The following DMD variants were observed in gnomAD, a reference collection of about 807,000 sequenced individuals.
DMD encodes mutant dystrophin.
In DMD, 63 loss-of-function variants were observed where a neutral mutation model predicts 330.1. The observed-to-expected ratio is 0.19, with a 90% CI of 0.16 to 0.24. The LOEUF is 0.24. Ranked by LOEUF, DMD falls within the 10% of genes least tolerant of loss-of-function variation. The pLI, the probability that DMD is intolerant of heterozygous loss-of-function variation, is 1.00. For synonymous variants in DMD, 1,223 were observed against 959.8 expected (o/e 1.27, Z -5.07); for missense variants, 3,344 against 2,684.1 (o/e 1.25, Z -5.43).
At chrX:32,080,629 G>A (rs1290681338) in intron 44 of DMD, among the ~76,000 whole-genome samples, 1 of 111,743 alleles carries the variant, frequency 8.9e-6, no homozygotes, top group Non-Finnish European at 1.9e-5. Context: ...GTCATAAGAA[G>A]GAAGAATGAA....
At chrX:32,425,923 A>G (rs927316784) in intron 29 of DMD, among the ~76,000 whole-genome samples, 1 of 112,142 alleles carries the variant, frequency 8.9e-6, no homozygotes, top group African/African-American at 3.2e-5. Context: ...GTGCTGGGAT[A>G]ACTGGCTAAC....
intron 7 of DMD, among the ~76,000 whole-genome samples, chrX:32,791,458 T>C (rs2075816374): frequency 8.9e-6 from 1 of 111,955 alleles, no homozygotes; most frequent in African/African-American, 3.2e-5. Flanking sequence ...GACCACTTGG[T>C]GTCCCAGTCA....
intron 1 of DMD, among the ~76,000 whole-genome samples, chrX:33,058,875 T>C (rs916776205): frequency 4.4e-4 from 49 of 111,797 alleles, no homozygotes; most frequent in African/African-American, 1.6e-3. Context: ...TTGTCCTCTT[T>C]TATGAAGTGC....
chrX:32,156,128 AC>A (rs2096829336), intron 44 of DMD, among the ~76,000 whole-genome samples: 1 of 112,162 alleles, frequency 8.9e-6, no homozygotes, highest in African/African-American at 3.2e-5. Context: ...ACGCCTGTAA[AC>A]CCAGCACTTT....
intron 2 of DMD, among the ~76,000 whole-genome samples, chrX:33,009,301 TATACAC>T (rs1318719363): frequency 1.7e-5 from 1 of 57,470 alleles, no homozygotes; most frequent in African/African-American, 6.8e-5. Context: ...TATATGTGTA[TATACAC>T]ATGTGTGTAT....
At chrX:31,195,726 A>G (rs2042802791) in intron 67 of DMD, among the ~76,000 whole-genome samples, 1 of 101,852 alleles carries the variant, frequency 9.8e-6, no homozygotes, top group Non-Finnish European at 2.0e-5. Context: ...GGGAAGGAGA[A>G]GGGGACAGAG....
chrX:32,105,825 T>C (rs902283440), intron 44 of DMD, among the ~76,000 whole-genome samples: 2 of 112,052 alleles, frequency 1.8e-5, no homozygotes, highest in Non-Finnish European at 3.8e-5. Flanking sequence ...ACTCATTGAA[T>C]AGTATTTTTG....
At chrX:32,715,122 G>A (rs761348035) in intron 7 of DMD, among the ~76,000 whole-genome samples, 1 of 110,843 alleles carries the variant, frequency 9.0e-6, no homozygotes, top group Non-Finnish European at 1.9e-5. Flanking sequence ...CCCCCAACCT[G>A]GTAACCACTG....
intron 30 of DMD, among the ~76,000 whole-genome samples, chrX:32,406,399 T>C (rs1197188532): frequency 9.0e-6 from 1 of 110,570 alleles, no homozygotes; most frequent in Non-Finnish European, 1.9e-5. Context: ...TCATCATAGA[T>C]AGCTCTTATT....
intron 17 of DMD, among the ~76,000 whole-genome samples, chrX:32,521,851 T>G (rs988617293): frequency 8.9e-6 from 1 of 111,850 alleles, no homozygotes; most frequent in Non-Finnish European, 1.9e-5. Context: ...GTGATGATAT[T>G]AAAAGATGGG....
At chrX:32,593,945 A>T (rs745990098) in intron 13 of DMD, among the ~76,000 whole-genome samples, 2 of 112,505 alleles carry the variant, frequency 1.8e-5, no homozygotes, top group South Asian at 7.3e-4. Context: ...TGAACCTTTG[A>T]GAGAAAGAAT....
intron 61 of DMD, among the ~76,000 whole-genome samples, chrX:31,325,642 A>G (rs1028392188): frequency 9.1e-6 from 1 of 110,497 alleles, no homozygotes; most frequent in Non-Finnish European, 1.9e-5. Context: ...CAAACAAACC[A>G]TGGGCTAGAC....
chrX:32,962,133 A>G (rs936366249), intron 2 of DMD, among the ~76,000 whole-genome samples: 17 of 111,934 alleles, frequency 1.5e-4, no homozygotes, highest in African/African-American at 5.2e-4. Flanking sequence ...AAAGATCTGA[A>G]TAGAGAAAAG....
At chrX:31,351,636 G>T (rs1353032346) in intron 60 of DMD, among the ~76,000 whole-genome samples, 3 of 103,379 alleles carry the variant, frequency 2.9e-5, no homozygotes, top group African/African-American at 1.1e-4. Context: ...TGAGACAGGA[G>T]AATCACTTGA....
Position 31,187,717 on chromosome X carries a change from C to CAGAG in DMD, c.9808-4817_9808-4814dup, listed in dbSNP as rs55674554. On this transcript the variant is annotated intron_variant, in intron 67 of 78. Transcript: ENST00000357033. ...CAGCTCTGGAATCTTCCCAGATTCT[C>CAGAG]AGAGAGAGAGAGAGAGAGAGAGAGA... 8.4e-4 allele frequency among the ~76,000 whole-genome samples: 56 copies of CAGAG among 66,803 alleles called. 1 individual carries two copies. Among genetic ancestry groups the CAGAG allele is most frequent in the East Asian group, 2.6e-3 (5 of 1,939 alleles). The allele number at this position is 66,803 out of a possible 115,157, so 58.0% of individuals were successfully genotyped here.
intron 59 of DMD, among the ~76,000 whole-genome samples, chrX:31,472,769 C>A (rs1462198040): frequency 1.8e-5 from 2 of 112,241 alleles, no homozygotes; most frequent in Non-Finnish European, 3.8e-5. Context: ...TTAAATCAAT[C>A]TCAATTTGAA....
intron 44 of DMD, among the ~76,000 whole-genome samples, chrX:32,079,723 A>G (rs1312386009): frequency 8.9e-6 from 1 of 112,196 alleles, no homozygotes; most frequent in Admixed American, 9.4e-5. Context: ...CACAATCTGT[A>G]ATTTTACCCC....
At chrX:33,257,633 G>A (rs1400277894) in intron 1 of DMD, among the ~76,000 whole-genome samples, 2 of 110,761 alleles carry the variant, frequency 1.8e-5, no homozygotes, top group Admixed American at 9.6e-5. Context: ...TAGTAATCAC[G>A]GTGATGAAAC....
intron 9 of DMD, among the ~76,000 whole-genome samples, chrX:32,668,020 G>A (rs1211348050): frequency 9.1e-6 from 1 of 110,156 alleles, no homozygotes; most frequent in African/African-American, 3.3e-5. Flanking sequence ...ATGGTGGCAG[G>A]TGCCTGTAAT....
Sources: allele counts gnomAD v4.1 joint callset (sites outside exome capture counted in the v4.1 genomes callset), GRCh38; gene constraint gnomAD v4.1.1; transcripts MANE v1.5; gene names NCBI Gene and HGNC (gene_info 2026-07-23, HGNC 2026-07-21).